The following PLIN1 variants were observed in gnomAD, a reference collection of about 807,000 sequenced individuals.
PLIN1 encodes perilipin 1, also known as perilipin-1.
Under a neutral mutation model 45.8 loss-of-function variants are expected in PLIN1, and 37 were observed. That is an observed-to-expected ratio of 0.81 (90% CI 0.62 to 1.06). The LOEUF is 1.06. PLIN1 is among the 50% of genes least tolerant of loss of function. The probability of loss-of-function intolerance (pLI) is 0.00; values close to 1 mark genes in which losing one functional copy is unlikely to be tolerated. For synonymous variants in PLIN1, 340 were observed against 309.2 expected (o/e 1.10, Z -1.05); for missense variants, 776 against 716.5 (o/e 1.08, Z -0.95).
At chr15:89,677,342 A>C in intron 2 of PLIN1, 103 bp downstream of exon 2, 2 of 935,756 alleles carry the variant, frequency 2.1e-6, no homozygotes, top group African/African-American at 3.2e-5. Flanking sequence ...TAGGATTATA[A>C]TCTGGGAATA....
Position 89,665,434 on chromosome 15 carries a change from A to T in PLIN1, c.*149T>A. ...AAAAAAATAAAAATAAAATAAAAAT[A>T]AAAAGTGCGCCTTGGCAGCATCATC... On this transcript the variant is annotated 3_prime_UTR_variant, in exon 9 of 9. Coordinates refer to ENST00000300055, the MANE Select transcript of PLIN1 (RefSeq NM_002666.5). The T allele has an allele frequency of 1.9e-6, 1 of 535,348 alleles. No individual in the cohort carries two copies. Among genetic ancestry groups the T allele is most frequent in the Non-Finnish European group, 3.0e-6 (1 of 338,884 alleles). The allele number at this position is 535,348 out of a possible 1,614,324, so 33.2% of individuals were successfully genotyped here.
At chr15:89,677,917 G>GTT (rs760024030) in intron 1 of PLIN1, 458 of 148,624 alleles carry the variant, frequency 3.1e-3, no homozygotes, top group South Asian at 8.0e-3. Flanking sequence ...CGCCCGGCTA[G>GTT]TTTTTTTTTT....
Position 89,673,340 on chromosome 15 carries a change from G to A in PLIN1, c.120C>T (p.Thr40=), listed in dbSNP as rs1964468329. The A allele has an allele frequency of 1.2e-6, 2 of 1,600,522 alleles. No homozygotes were observed. The highest frequency in any genetic ancestry group is 2.7e-5 in the African/African-American group (2 of 74,700). The part of the protein sequence containing the change: ...VSGTCECFQK[T]YTSTKEAHPL... ...GGTGGGCTTCCTTAGTGCTGGTGTA[G>A]GTCTTCTGGAAGCATTCGCAGGTGC... Residue 40 remains threonine, a synonymous_variant, in exon 3 of 9, where the codon ACC becomes ACT. Coordinates refer to ENST00000300055, the MANE Select transcript of PLIN1 (RefSeq NM_002666.5).
chr15:89,665,707 G>A lies in PLIN1; in HGVS notation c.1445C>T (p.Pro482Leu), dbSNP rs1478390376. The change falls in exon 9 of 9, where the codon CCG becomes CTG. Residue 482 changes from proline to leucine, a missense_variant. Coordinates refer to ENST00000300055, the MANE Select transcript of PLIN1 (RefSeq NM_002666.5). ...DEVATPAAPRPGFPAVPREKP... is the reference protein window; with the variant it reads ...DEVATPAAPRLGFPAVPREKP... ...CTCGCGGGGCACGGCCGGGAAGCCCGGGCGCGGCGCTGCGGGCGTGGCGAC... is the reference window on the plus strand; with the variant it reads ...CTCGCGGGGCACGGCCGGGAAGCCCAGGCGCGGCGCTGCGGGCGTGGCGAC... 4.1e-6 allele frequency: 6 copies of A among 1,469,308 alleles called. No individual in the cohort carries two copies. Among genetic ancestry groups the A allele is most frequent in the Middle Eastern group, 2.4e-4 (1 of 4,156 alleles). 91.0% of individuals were successfully genotyped at this position (1,469,308 alleles called of 1,614,324 possible). A position where few individuals can be genotyped will look rare whatever the true frequency, so the allele number is the denominator to read the frequency against.
In PLIN1 at chr15:89,673,421, CGGAA is replaced by C; in HGVS notation, c.46-11_46-8del. On this transcript the variant is annotated splice_polypyrimidine_tract_variant and splice_region_variant and intron_variant, in intron 2 of 8. Coordinates refer to ENST00000300055, the MANE Select transcript of PLIN1 (RefSeq NM_002666.5). ...GCAGCACATTCTCCTGCTCCTGGTG[CGGAA>C]GGAACACATTCAAGTTGTCCCACCT... 6 of 1,590,820 alleles carry C rather than the reference CGGAA, an allele frequency of 3.8e-6. No individual in the cohort carries two copies. The highest frequency in any genetic ancestry group is 5.1e-6 in the Non-Finnish European group (6 of 1,167,916).
In PLIN1 at chr15:89,670,247, G is replaced by A; in HGVS notation, c.334-3C>T. 1 of 1,609,194 alleles carries A rather than the reference G, an allele frequency of 6.2e-7. No individual in the cohort carries two copies. Among genetic ancestry groups the A allele is most frequent in the Non-Finnish European group, 8.5e-7 (1 of 1,176,524 alleles). On this transcript the variant is annotated splice_polypyrimidine_tract_variant and splice_region_variant and intron_variant, in intron 4 of 8. Transcript: ENST00000300055. ...GTGTCCTTCAGCTCAGAAGCAATCT[G>A]GGGGAAGTTGGTGGGGGTGTTAGGC...
Position 89,664,413 on chromosome 15 carries a change from AG to A in PLIN1, c.*1169del, listed in dbSNP as rs1200225704. ...ATAGCATCGTTTGCAGTAGCAAAAA[AG>A]AAAAAAAAAGGAAACAACTTAAAAG... On this transcript the variant is annotated 3_prime_UTR_variant, in exon 9 of 9. Coordinates refer to ENST00000300055, the MANE Select transcript of PLIN1 (RefSeq NM_002666.5). 2 of 151,050 alleles carry A rather than the reference AG, an allele frequency of 1.3e-5. No individual in the cohort carries two copies. Among genetic ancestry groups the A allele is most frequent in the Non-Finnish European group, 2.9e-5 (2 of 69,004 alleles). 9.4% of individuals were successfully genotyped at this position (151,050 alleles called of 1,614,324 possible).
chr15:89,665,513 G>C lies in PLIN1; in HGVS notation c.*70C>G, dbSNP rs1199323554. 15 of 1,466,696 alleles carry C rather than the reference G, an allele frequency of 1.0e-5. No homozygotes were observed. The highest frequency in any genetic ancestry group is 2.0e-5 in the Admixed American group (1 of 48,932). 90.9% of individuals were successfully genotyped at this position (1,466,696 alleles called of 1,614,324 possible). On this transcript the variant is annotated 3_prime_UTR_variant, in exon 9 of 9. Coordinates refer to ENST00000300055, the MANE Select transcript of PLIN1 (RefSeq NM_002666.5). ...ACTTTGAAAGTGGCAACGCTCGCCT[G>C]GGCAGTGCGGGTTCTGTTTATTTGT... is the stretch of plus-strand genomic sequence containing the variant.
rs1265280614 is a variant in PLIN1 at position 89,665,589 on chromosome 15, C to T, written c.1563G>A (p.Lys521=). ...CGGCGGCTGGTGCGGCGACTCAGCT[C>T]TTCTTGCGCAGCTGGCTGTAATGCG... ...GRTHYSQLRK[K]S Residue 521 remains lysine, a synonymous_variant, in exon 9 of 9, where the codon AAG becomes AAA. Coordinates refer to ENST00000300055, the MANE Select transcript of PLIN1 (RefSeq NM_002666.5). 2.6e-6 allele frequency: 4 copies of T among 1,527,802 alleles called. No homozygotes were observed. The African/African-American group carries it at 5.6e-5, about 21-fold the overall frequency. The allele number at this position is 1,527,802 out of a possible 1,614,324, so 94.6% of individuals were successfully genotyped here.
At chr15:89,669,715 G>C in intron 5 of PLIN1, 43 bp from the exon 6 acceptor site, 1 of 1,582,434 alleles carries the variant, frequency 6.3e-7, no homozygotes, top group South Asian at 1.1e-5. Context: ...ACAGGTCAGA[G>C]AGGGGCCGGA....
rs1221390053 is a variant in PLIN1 at position 89,667,769 on chromosome 15, A to C, written c.796T>G (p.Ser266Ala). 1.3e-6 allele frequency: 2 copies of C among 1,561,370 alleles called. No individual in the cohort carries two copies. The highest frequency in any genetic ancestry group is 1.7e-6 in the Non-Finnish European group (2 of 1,153,014). The change falls in exon 7 of 9, where the codon TCA becomes GCA. Residue 266 changes from serine to alanine, a missense_variant. Transcript: ENST00000300055. ...PLSSLAQWGA[S>A]VAMQAVSRRR... is the part of the protein sequence containing the mutation. Reference sequence around the variant, plus strand: ...CGGGACACCGCCTGCATGGCCACTGAGGCACCCCACTGGGCCAGGCTGCTC... The same window carrying C: ...CGGGACACCGCCTGCATGGCCACTGCGGCACCCCACTGGGCCAGGCTGCTC...
chr15:89,675,210 G>A (rs1034320959), intron 2 of PLIN1, among the ~76,000 whole-genome samples: 10 of 152,230 alleles, frequency 6.6e-5, no homozygotes, highest in African/African-American at 1.7e-4. Flanking sequence ...TATCATTTCC[G>A]GGGTGCTGTG....
intron 7 of PLIN1, 26 bp downstream of exon 7, chr15:89,667,576 C>T: frequency 6.2e-7 from 1 of 1,614,170 alleles, no homozygotes; most frequent in Non-Finnish European, 8.5e-7. Flanking sequence ...GCTGGGGGAC[C>T]TTGAGGCTCC....
In PLIN1 at chr15:89,673,483, G is replaced by A; in HGVS notation, c.46-69C>T. 6.9e-6 allele frequency: 9 copies of A among 1,313,602 alleles called. 1 individual carries two copies. The South Asian group carries it at 8.9e-5, about 13-fold the overall frequency. 81.4% of individuals were successfully genotyped at this position (1,313,602 alleles called of 1,614,324 possible). A position where few individuals can be genotyped will look rare whatever the true frequency, so the allele number is the denominator to read the frequency against. Reference sequence around the variant, plus strand: ...CAGCCTCCCGGGAAGCTGACCCCGGGGTCATGGGGACCAATGGTGCAACTA... The same window carrying A: ...CAGCCTCCCGGGAAGCTGACCCCGGAGTCATGGGGACCAATGGTGCAACTA... On this transcript the variant is annotated intron_variant, in intron 2 of 8. Coordinates refer to ENST00000300055, the MANE Select transcript of PLIN1 (RefSeq NM_002666.5).
intron 3 of PLIN1, among the ~76,000 whole-genome samples, chr15:89,672,122 A>G (rs556200648): frequency 4.2e-4 from 63 of 151,670 alleles, no homozygotes; most frequent in Admixed American, 7.2e-4. Context: ...CAGCCAGTGC[A>G]GGCCCCAGGC....
In PLIN1 at chr15:89,667,760, T is replaced by C; in HGVS notation, c.805A>G (p.Met269Val). 1.3e-6 allele frequency: 2 copies of C among 1,563,520 alleles called. No individual in the cohort carries two copies. The highest frequency in any genetic ancestry group is 2.3e-5 in the East Asian group (1 of 42,618). The change falls in exon 7 of 9, where the codon ATG (methionine) becomes GTG (valine). Residue 269 changes from methionine (M) to valine (V), a missense_variant. Transcript: ENST00000300055. ...SLAQWGASVA[M>V]QAVSRRRSEV... ...CTCCTCCGCCGGGACACCGCCTGCA[T>C]GGCCACTGAGGCACCCCACTGGGCC...
At chr15:89,668,044 C>A (rs1189935967) in intron 6 of PLIN1, among the ~76,000 whole-genome samples, 1 of 152,206 alleles carries the variant, frequency 6.6e-6, no homozygotes, top group Non-Finnish European at 1.5e-5. Flanking sequence ...AAGACATAGA[C>A]CATTTTCAAC....
intron 7 of PLIN1, 111 bp downstream of exon 7, chr15:89,667,491 C>T (rs2141526983): frequency 2.6e-6 from 4 of 1,519,808 alleles, no homozygotes; most frequent in Middle Eastern, 3.4e-4. Context: ...GTGTTGCACG[C>T]ACATGCCGTG....
At chr15:89,671,054 G>C (rs1275375329) in intron 4 of PLIN1, among the ~76,000 whole-genome samples, 1 of 152,210 alleles carries the variant, frequency 6.6e-6, no homozygotes, top group African/African-American at 2.4e-5. Flanking sequence ...GCCAGGTAAA[G>C]TGACCTTCAA....
Sources: gnomAD v4.1 joint callset for allele counts (sites outside exome capture counted in the v4.1 genomes callset) on GRCh38, gnomAD v4.1.1 for gene constraint, MANE v1.5 for transcripts, NCBI Gene and HGNC (gene_info 2026-07-23, HGNC 2026-07-21) for gene names.